The following ATP7A variants were observed in gnomAD, a reference collection of about 807,000 sequenced individuals.
ATP7A encodes the protein copper-transporting ATPase 1.
Under a neutral mutation model 83.5 loss-of-function variants are expected in ATP7A, and 7 were observed. The ratio of observed to expected loss-of-function variants is 0.08; its 90% CI spans 0.05 to 0.16. The LOEUF (loss-of-function observed/expected upper bound fraction) is 0.16, where lower values mean the gene tolerates loss of function less well. Among genes scored for constraint, ATP7A ranks in the 10% least tolerant of loss-of-function variants. The pLI, the probability that ATP7A is intolerant of heterozygous loss-of-function variation, is 1.00. For synonymous variants in ATP7A, 354 were observed against 395.2 expected (o/e 0.90, Z 1.24); for missense variants, 940 against 1,120.8 (o/e 0.84, Z 2.30).
At chrX:78,031,637 G>A (rs1398437914) in intron 16 of ATP7A, 55 bp downstream of exon 16, 92 of 1,123,046 alleles carry the variant, frequency 8.2e-5, no homozygotes, top group Admixed American at 6.6e-5. Context: ...GGAATTCCCC[G>A]GATCAAATCT....
intron 1 of ATP7A, among the ~76,000 whole-genome samples, chrX:77,952,479 G>A (rs2077418355): frequency 9.0e-6 from 1 of 111,572 alleles, no homozygotes; most frequent in Non-Finnish European, 1.9e-5. Context: ...CTTTTCATAT[G>A]CTTATATATT....
intron 2 of ATP7A, among the ~76,000 whole-genome samples, chrX:77,982,991 T>C (rs782210260): frequency 1.2e-4 from 13 of 112,123 alleles, no homozygotes; most frequent in Middle Eastern, 4.6e-3. Flanking sequence ...TCCTGGTTCA[T>C]GTATTGCGCC....
rs782642354 is a variant in ATP7A, at chrX:77,977,311, A to G, written c.120+5550A>G. ...TGGGGCTGGTGTTGAGGGCCAGAAC[A>G]GAAGCTGAACCTTACTAATTATATA... On this transcript the variant is annotated intron_variant, in intron 2 of 22. Transcript: ENST00000341514. Among the ~76,000 whole-genome samples, 86 of 112,080 alleles carry G rather than the reference A, an allele frequency of 7.7e-4. 2 individuals are homozygous for G. Among genetic ancestry groups the G allele is most frequent in the Non-Finnish European group, 1.7e-4 (9 of 53,264 alleles).
chrX:78,013,196 A>G, intron 10 of ATP7A, 84 bp downstream of exon 10: 1 of 839,981 alleles, frequency 1.2e-6, no homozygotes, highest in South Asian at 2.1e-5. Flanking sequence ...TTGGAAATAC[A>G]TGCTTTTATG....
chrX:77,957,837 C>A (rs1488761411), intron 1 of ATP7A, among the ~76,000 whole-genome samples: 1 of 111,025 alleles, frequency 9.0e-6, no homozygotes, highest in Admixed American at 9.6e-5. Context: ...GGTCTAGTCT[C>A]ATTTTTCTGC....
intron 5 of ATP7A, among the ~76,000 whole-genome samples, chrX:78,001,008 T>G (rs1391354279): frequency 8.9e-6 from 1 of 112,337 alleles, no homozygotes; most frequent in African/African-American, 3.2e-5. Context: ...GTTCTTATTA[T>G]AGTTTGAAGA....
chrX:78,011,332 TATC>T (rs1251328527), intron 8 of ATP7A, 80 bp downstream of exon 8: 1 of 1,068,461 alleles, frequency 9.4e-7, no homozygotes. Context: ...GTTTTTATAA[TATC>T]ATCCTTATAC....
chrX:78,037,658 T>C (rs2078021796), intron 17 of ATP7A, among the ~76,000 whole-genome samples: 1 of 111,755 alleles, frequency 8.9e-6, no homozygotes, highest in African/African-American at 3.3e-5. Context: ...CCTAAGAATG[T>C]GGTATCCTAG....
In ATP7A at chrX:78,038,842, T is replaced by C. The variant is rs1267460544; in HGVS notation, c.3518T>C (p.Leu1173Pro). Residue 1173 changes from leucine to proline, a missense_variant, in exon 18 of 23, where the codon CTT (leucine) becomes CCT (proline). By Grantham distance (98) the Leu-to-Pro change is moderately conservative. Around this residue, in one of 3 missense-constraint regions of ATP7A, gnomAD observed 386 missense variants for 502.2 expected, o/e 0.77. Coordinates refer to ENST00000341514, the MANE Select transcript of ATP7A (RefSeq NM_000052.7). ...MIIDAQISNA[L>P]NAQQYKVLIG... ...TTTCTGTGCCTACTTTCAGATGCTC[T>C]TAATGCTCAGCAGTATAAAGTCCTC... is the stretch of plus-strand genomic sequence containing the variant. The C allele has an allele frequency of 5.0e-6, 6 of 1,209,172 alleles. No homozygotes were observed. The highest frequency in any genetic ancestry group is 6.7e-6 in the Non-Finnish European group (6 of 894,430).
chrX:78,033,746 T>A lies in ATP7A; in HGVS notation c.3436T>A (p.Ser1146Thr). ...AGAGGACAATAATATTAAAAATGCATCCCTGGTTCAAATTGATGCCAGTAA... is the reference window on the plus strand; with the variant it reads ...AGAGGACAATAATATTAAAAATGCAACCCTGGTTCAAATTGATGCCAGTAA... ...NIEDNNIKNA[S>T]LVQIDASNEQ... The change falls in exon 17 of 23, where the codon TCC becomes ACC. Residue 1146 changes from serine to threonine, a missense_variant. By Grantham distance (58) the Ser-to-Thr change is moderately conservative. Transcript: ENST00000341514. The A allele has an allele frequency of 8.3e-7, 1 of 1,210,830 alleles. No homozygotes were observed. The highest frequency in any genetic ancestry group is 1.1e-6 in the Non-Finnish European group (1 of 894,952).
chrX:77,935,058 T>C (rs989876468), intron 1 of ATP7A, among the ~76,000 whole-genome samples: 1 of 110,078 alleles, frequency 9.1e-6, no homozygotes, highest in Non-Finnish European at 1.9e-5. Context: ...GCAATCCCCC[T>C]GCGTTGGCCT....
At chrX:77,920,991 G>C (rs186466108) in intron 1 of ATP7A, among the ~76,000 whole-genome samples, 26 of 111,825 alleles carry the variant, frequency 2.3e-4, no homozygotes, top group Admixed American at 3.8e-4. Flanking sequence ...TTTTGTGTCT[G>C]GCTTATTTTA....
rs367719862 is a variant in ATP7A at position 78,045,592 on chromosome X, C to A, written c.4226+20C>A. 4.4e-6 allele frequency: 5 copies of A among 1,147,729 alleles called. No individual in the cohort carries two copies. The South Asian group carries it at 9.0e-5, about 21-fold the overall frequency. 94.6% of individuals were successfully genotyped at this position (1,147,729 alleles called of 1,213,427 possible). On this transcript the variant is annotated intron_variant, in intron 22 of 22. Coordinates refer to ENST00000341514, the MANE Select transcript of ATP7A (RefSeq NM_000052.7). ...TAAACTGTAAGTATGATAGCTTGCT[C>A]ACATTTGTATTTTGTATTCCTGTTA...
At chrX:77,977,952 G>T (rs1472679402) in intron 2 of ATP7A, among the ~76,000 whole-genome samples, 2 of 111,593 alleles carry the variant, frequency 1.8e-5, no homozygotes, top group African/African-American at 6.5e-5. Context: ...GTGTTCTGGG[G>T]CCAGAGAGAG....
Position 78,043,921 on chromosome X carries a change from G to A in ATP7A, c.4123+487G>A, listed in dbSNP as rs1373122880. On this transcript the variant is annotated intron_variant, in intron 21 of 22. Transcript: ENST00000341514. ...AATCCACCCACCTCGGCCTCCCAAA[G>A]TGTTGGGATTACAGCTGTGAGCCAC... is the stretch of plus-strand genomic sequence containing the variant. Among the ~76,000 whole-genome samples the A allele has an allele frequency of 2.8e-5, 3 of 106,236 alleles. No individual in the cohort carries two copies. The East Asian group carries it at 9.3e-4, about 33-fold the overall frequency. 92.3% of individuals were successfully genotyped at this position (106,236 alleles called of 115,157 possible). A position where few individuals can be genotyped will look rare whatever the true frequency, so the allele number is the denominator to read the frequency against.
intron 1 of ATP7A, among the ~76,000 whole-genome samples, chrX:77,932,022 C>G (rs1470209133): frequency 9.4e-6 from 1 of 106,460 alleles, no homozygotes; most frequent in African/African-American, 3.4e-5. Flanking sequence ...CCCTCCTGGA[C>G]GGGGCGGCTG....
chrX:77,969,990 A>C (rs782575810), intron 1 of ATP7A, among the ~76,000 whole-genome samples: 1 of 112,033 alleles, frequency 8.9e-6, no homozygotes, highest in African/African-American at 3.2e-5. Context: ...ATGACTCAAT[A>C]ATTTGGGAGC....
intron 1 of ATP7A, among the ~76,000 whole-genome samples, chrX:77,931,972 AC>A (rs1474312959): frequency 1.0e-5 from 1 of 95,919 alleles, no homozygotes; most frequent in Non-Finnish European, 2.1e-5. Flanking sequence ...TCCCTCCCGG[AC>A]GGGGCGGCTG....
At chrX:77,951,139 A>C (rs2077411695) in intron 1 of ATP7A, among the ~76,000 whole-genome samples, 1 of 112,284 alleles carries the variant, frequency 8.9e-6, no homozygotes, top group Non-Finnish European at 1.9e-5. Flanking sequence ...TTAATACAAA[A>C]AGAAATTCCA....
Sources: gnomAD v4.1 joint callset for allele counts (sites outside exome capture counted in the v4.1 genomes callset) on GRCh38, gnomAD v4.1.1 for gene constraint, gnomAD v4.1.1 regional missense constraint, MANE v1.5 for transcripts, NCBI Gene and HGNC (gene_info 2026-07-23, HGNC 2026-07-21) for gene names.